The following FDFT1 variants were observed in gnomAD, a reference collection of about 807,000 sequenced individuals.
The protein encoded by FDFT1 is squalene synthase.
A neutral mutation model predicts 46.8 loss-of-function variants in FDFT1; 68 were observed. The observed-to-expected ratio is 1.45, with a 90% CI of 1.19 to 1.78. The LOEUF (loss-of-function observed/expected upper bound fraction) is 1.78. Among genes scored for constraint, FDFT1 ranks in the 40% most tolerant of loss-of-function variants. FDFT1 has a pLI of 0.00. For synonymous variants in FDFT1, 351 were observed against 185.1 expected (o/e 1.90, Z -7.28); for missense variants, 928 against 524.4 (o/e 1.77, Z -7.52).
rs1261117266 is a variant in FDFT1 at position 11,833,425 on chromosome 8, A to C, written c.1032+1755A>C. On this transcript the variant is annotated intron_variant, in intron 7 of 7. Coordinates refer to ENST00000220584, the MANE Select transcript of FDFT1 (RefSeq NM_004462.5). ...ATATTAAGCACTATTTATTCATTTTATATAAACTAGAAACATTTTATGTAG... is the reference window on the plus strand; with the variant it reads ...ATATTAAGCACTATTTATTCATTTTCTATAAACTAGAAACATTTTATGTAG... Among the ~76,000 whole-genome samples, 3 of 152,236 alleles carry C rather than the reference A, an allele frequency of 2.0e-5. No individual in the cohort carries two copies. In the East Asian group the frequency reaches 5.8e-4, roughly 29 times the overall value.
chr8:11,806,287 A>C (rs1023648404), intron 1 of FDFT1, among the ~76,000 whole-genome samples: 3 of 152,222 alleles, frequency 2.0e-5, no homozygotes, highest in African/African-American at 7.2e-5. Context: ...GACAGGCACC[A>C]GTAGCCTGAG....
upstream of FDFT1, chr8:11,801,871 T>A: frequency 2.3e-6 from 1 of 438,330 alleles, no homozygotes; most frequent in Non-Finnish European, 4.5e-6. Flanking sequence ...TTTGTATTTT[T>A]AGTAGAGACG....
chr8:11,831,613 G>A lies in FDFT1; in HGVS notation c.975G>A (p.Met325Ile), dbSNP rs1448891084. ...KIRKGQAVTL[M>I]MDATNMPAVK... ...GGAAAGGGCAAGCAGTGACCCTGATGATGGATGCCACCAATATGCCAGCTG... is the reference window on the plus strand; with the variant it reads ...GGAAAGGGCAAGCAGTGACCCTGATAATGGATGCCACCAATATGCCAGCTG... The change falls in exon 7 of 8, where the codon ATG (methionine) becomes ATA (isoleucine). Residue 325 changes from methionine (M) to isoleucine (I), a missense_variant. Met to Ile is a conservative substitution (Grantham distance 10, BLOSUM62 1). Coordinates refer to ENST00000220584, the MANE Select transcript of FDFT1 (RefSeq NM_004462.5). The A allele has an allele frequency of 2.5e-6, 4 of 1,613,948 alleles. No homozygotes were observed. The highest frequency in any genetic ancestry group is 4.5e-5 in the East Asian group (2 of 44,890).
At chr8:11,823,079 C>T (rs963669580) in intron 4 of FDFT1, among the ~76,000 whole-genome samples, 2 of 152,060 alleles carry the variant, frequency 1.3e-5, no homozygotes, top group African/African-American at 2.4e-5. Flanking sequence ...CTCAGCCTAC[C>T]GAGTAGCTGT....
At chr8:11,826,545 G>GGC (rs1236680350) in intron 5 of FDFT1, among the ~76,000 whole-genome samples, 1 of 152,234 alleles carries the variant, frequency 6.6e-6, no homozygotes, top group African/African-American at 2.4e-5. Flanking sequence ...CTGGCGCAGT[G>GGC]GCTCATGCCT....
intron 5 of FDFT1, among the ~76,000 whole-genome samples, chr8:11,827,050 GAAAGCTTTTGATACTGATTTTGT>G: frequency 6.6e-6 from 1 of 152,214 alleles, no homozygotes; most frequent in Non-Finnish European, 1.5e-5. Context: ...ACAGGGAACA[GAAAGCTTTTGATACTGATTTTGT>G]TCAGAAGGAA....
At chr8:11,811,242 C>G (rs77123056) in intron 3 of FDFT1, among the ~76,000 whole-genome samples, 3,037 of 152,198 alleles carry the variant, frequency 0.02, 111 homozygotes, top group African/African-American at 0.07. Flanking sequence ...AAATCTGTGG[C>G]GATTCATTGA....
rs181523465 is a variant in FDFT1, at chr8:11,803,146, C to G, written c.99+215C>G. Reference sequence around the variant, plus strand: ...CCTGTCCCTGCCCCCGCAAGCCGCCCTGGGCATGAGCGACTTTTGCGTGGT... The same window carrying G: ...CCTGTCCCTGCCCCCGCAAGCCGCCGTGGGCATGAGCGACTTTTGCGTGGT... On this transcript the variant is annotated intron_variant, in intron 1 of 7. Transcript: ENST00000220584. 1,467 of 1,426,768 alleles carry G rather than the reference C, an allele frequency of 1.0e-3. 1 individual carries two copies. The highest frequency in any genetic ancestry group is 2.3e-3 in the Admixed American group (86 of 38,124). The allele number at this position is 1,426,768 out of a possible 1,614,324, so 88.4% of individuals were successfully genotyped here.
intron 6 of FDFT1, among the ~76,000 whole-genome samples, chr8:11,830,773 C>A (rs1286817774): frequency 2.0e-5 from 3 of 152,198 alleles, no homozygotes; most frequent in African/African-American, 7.2e-5. Context: ...AAAAAGTCTT[C>A]ATTAAGCACC....
At chr8:11,822,538 G>A (rs1441793369) in intron 4 of FDFT1, among the ~76,000 whole-genome samples, 3 of 152,198 alleles carry the variant, frequency 2.0e-5, no homozygotes, top group Admixed American at 6.5e-5. Context: ...GAAGTTAGCC[G>A]GGTACTATGG....
upstream of FDFT1, chr8:11,801,716 CGTA>C: frequency 3.8e-6 from 1 of 262,472 alleles, no homozygotes; most frequent in South Asian, 3.2e-5. Flanking sequence ...TTTTTGGAGA[CGTA>C]GTCTTGCTCT....
At chr8:11,821,557 C>G (rs1018642953) in intron 3 of FDFT1, among the ~76,000 whole-genome samples, 193 bp from the exon 4 acceptor site, 2 of 152,182 alleles carry the variant, frequency 1.3e-5, no homozygotes, top group South Asian at 2.1e-4. Context: ...TGCCATTGCA[C>G]TCCAGCCTGG....
chr8:11,827,801 G>C (rs1457614468), intron 5 of FDFT1, among the ~76,000 whole-genome samples: 1 of 151,882 alleles, frequency 6.6e-6, no homozygotes, highest in Non-Finnish European at 1.5e-5. Context: ...TCAACACTGG[G>C]AGACCAAGGT....
chr8:11,827,123 C>G (rs985041484), intron 5 of FDFT1, among the ~76,000 whole-genome samples: 2 of 152,182 alleles, frequency 1.3e-5, no homozygotes, highest in Non-Finnish European at 2.9e-5. Flanking sequence ...TTTATTCCAG[C>G]ATTTACCTTT....
chr8:11,795,632 A>T (rs1365590672), exon 1 of FDFT1: 1 of 151,540 alleles, frequency 6.6e-6, no homozygotes, highest in Non-Finnish European at 1.5e-5. Flanking sequence ...TGTTGTTTGC[A>T]ATAAATTTTA....
chr8:11,807,706 G>GA (rs1372652871), intron 1 of FDFT1, among the ~76,000 whole-genome samples: 1 of 152,206 alleles, frequency 6.6e-6, no homozygotes, highest in African/African-American at 2.4e-5. Flanking sequence ...CTTTAGGGAA[G>GA]AGTAAAGGTC....
intron 3 of FDFT1, among the ~76,000 whole-genome samples, chr8:11,819,193 A>G (rs6601611): frequency 6.6e-6 from 1 of 152,026 alleles, no homozygotes. Flanking sequence ...TCTTCTGGCT[A>G]GTAGGGTTTC....
At chr8:11,804,939 C>G (rs1438113631) in intron 1 of FDFT1, among the ~76,000 whole-genome samples, 1 of 117,394 alleles carries the variant, frequency 8.5e-6, no homozygotes, top group South Asian at 3.2e-4. Context: ...GGGGGGGTCT[C>G]ACTCCATCGT....
chr8:11,817,932 A>C (rs1808686825), intron 3 of FDFT1, among the ~76,000 whole-genome samples: 1 of 150,850 alleles, frequency 6.6e-6, no homozygotes, highest in African/African-American at 2.4e-5. Flanking sequence ...TTGCTTTTCT[A>C]GTTCTTTTAA....
Sources: gnomAD v4.1 joint callset for allele counts (sites outside exome capture counted in the v4.1 genomes callset) on GRCh38, gnomAD v4.1.1 for gene constraint, MANE v1.5 for transcripts, NCBI Gene and HGNC (gene_info 2026-07-23, HGNC 2026-07-21) for gene names.